Variants in MACF1 observed in about 807,000 individuals in gnomAD.
MACF1 encodes microtubule actin crosslinking factor 1.
A neutral mutation model predicts 854.8 loss-of-function variants in MACF1; 193 were observed. The observed-to-expected ratio is 0.23, with a 90% CI of 0.20 to 0.25. MACF1 has a LOEUF of 0.25. Ranked by LOEUF, MACF1 falls within the 10% of genes least tolerant of loss-of-function variation. The pLI is 1.00. For synonymous variants in MACF1, 3,185 were observed against 3,226.7 expected (o/e 0.99, Z 0.44); for missense variants, 7,722 against 8,929.1 (o/e 0.86, Z 5.45).
In MACF1 at chr1:39,297,699, A is replaced by G. The variant is rs1342820231; in HGVS notation, c.2435A>G (p.His812Arg). The G allele has an allele frequency of 2.5e-6, 4 of 1,614,182 alleles. No homozygotes were observed. The highest frequency in any genetic ancestry group is 1.7e-5 in the Admixed American group (1 of 60,018). ...ATTAAACGAAAATATTCCTGTGACC[A>G]CAACACCAGCTTATCCCGCCTTGAA... ...DSIKRKYSCD[H>R]NTSLSRLEDL... Residue 812 changes from histidine to arginine, a missense_variant, in exon 21 of 101, where the codon CAC (histidine) becomes CGC (arginine). Around this residue, in one of 15 missense-constraint regions of MACF1, gnomAD observed 1,137 missense variants for 1,263.0 expected, o/e 0.90. Coordinates refer to ENST00000564288, the MANE Select transcript of MACF1 (RefSeq NM_001394062.1).
chr1:39,402,518 T>C (rs1203161614), intron 58 of MACF1, among the ~76,000 whole-genome samples: 1 of 152,116 alleles, frequency 6.6e-6, no homozygotes, highest in African/African-American at 2.4e-5. Context: ...CTTGTGAAAT[T>C]AGTTGCCTCA....
intron 1 of MACF1, among the ~76,000 whole-genome samples, chr1:39,205,336 C>G (rs1399566984): frequency 6.6e-6 from 1 of 152,056 alleles, no homozygotes; most frequent in East Asian, 1.9e-4. Context: ...GGGTGGTGCT[C>G]TTTTCTGTTC....
intron 2 of MACF1, among the ~76,000 whole-genome samples, chr1:39,181,242 TG>T (rs920076097): frequency 6.6e-6 from 1 of 152,190 alleles, no homozygotes; most frequent in Admixed American, 6.5e-5. Flanking sequence ...TTACTTATTT[TG>T]GGGGGATCCT....
chr1:39,358,669 T>A lies in MACF1; in HGVS notation c.11944-28T>A, dbSNP rs772781216. ...TGCCTTTGGCCTGACCTTGCTTAAGTCTGCTTACCTTTCTTTCTCTGGCAC... is the reference window on the plus strand; with the variant it reads ...TGCCTTTGGCCTGACCTTGCTTAAGACTGCTTACCTTTCTTTCTCTGGCAC... On this transcript the variant is annotated intron_variant, in intron 45 of 100. Transcript: ENST00000564288. The A allele has an allele frequency of 3.1e-6, 5 of 1,609,716 alleles. No individual in the cohort carries two copies. The African/African-American group carries it at 6.7e-5, about 22-fold the overall frequency.
intron 2 of MACF1, among the ~76,000 whole-genome samples, chr1:39,128,292 G>C (rs529568094): frequency 6.6e-6 from 1 of 152,150 alleles, no homozygotes; most frequent in East Asian, 1.9e-4. Flanking sequence ...CACCATCATA[G>C]CACAGTGCAG....
At chr1:39,211,946 A>G (rs1024989827) in intron 1 of MACF1, among the ~76,000 whole-genome samples, 1 of 144,868 alleles carries the variant, frequency 6.9e-6, no homozygotes, top group Non-Finnish European at 1.5e-5. Context: ...TATTATGATC[A>G]CTGTTTTATA....
intron 87 of MACF1, 73 bp from the exon 88 acceptor site, chr1:39,453,634 C>A: frequency 7.7e-7 from 1 of 1,298,030 alleles, no homozygotes; most frequent in Non-Finnish European, 1.1e-6. Context: ...AAATTTATCC[C>A]CCCTCAGTGT....
At chr1:39,268,935 G>T (rs1645269621) in intron 6 of MACF1, 2 of 1,287,770 alleles carry the variant, frequency 1.6e-6, no homozygotes. Context: ...AGTGGGAGGG[G>T]TAGAGCATAC....
At chr1:39,246,434 C>G (rs1435309899) in intron 2 of MACF1, among the ~76,000 whole-genome samples, 1 of 152,120 alleles carries the variant, frequency 6.6e-6, no homozygotes, top group South Asian at 2.1e-4. Flanking sequence ...TTATGACCTG[C>G]CTATTTCTGT....
At chr1:39,388,972 A>C (rs1456026050) in intron 58 of MACF1, among the ~76,000 whole-genome samples, 1 of 141,908 alleles carries the variant, frequency 7.0e-6, no homozygotes, top group Non-Finnish European at 1.5e-5. Flanking sequence ...TCGACCTCAT[A>C]GGCTCAAGCG....
Position 39,309,664 on chromosome 1 carries a change from C to T in MACF1, c.2884C>T (p.Leu962Phe). The change falls in exon 24 of 101, where the codon CTT (leucine) becomes TTT (phenylalanine). Residue 962 changes from leucine (L) to phenylalanine (F), a missense_variant. Leu to Phe is a conservative substitution (Grantham distance 22). Transcript: ENST00000564288. ...CTCTTGGAACTATCTGCGTAAAGACCTTGACCTTGTACAGACCTGGAACCT... is the reference window on the plus strand; with the variant it reads ...CTCTTGGAACTATCTGCGTAAAGACTTTGACCTTGTACAGACCTGGAACCT... ...LISWNYLRKD[L>F]DLVQTWNLEK... is the part of the protein sequence containing the mutation. 1 of 1,614,118 alleles carries T rather than the reference C, an allele frequency of 6.2e-7. No individual in the cohort carries two copies.
At chr1:39,208,197 C>G (rs563531874) in intron 1 of MACF1, among the ~76,000 whole-genome samples, 1 of 148,186 alleles carries the variant, frequency 6.7e-6, no homozygotes, top group Non-Finnish European at 1.5e-5. Context: ...CTACTCCGTT[C>G]CTGTTTCACT....
At position 39,360,834 on chromosome 1, in the gene MACF1, G is replaced by T. The variant is rs1392859899; in HGVS notation, c.12286G>T (p.Ala4096Ser). Residue 4096 changes from alanine (A) to serine (S), a missense_variant, in exon 48 of 101, where the codon GCT becomes TCT. Around this residue, in one of 15 missense-constraint regions of MACF1, gnomAD observed 2,807 missense variants for 3,235.8 expected, o/e 0.87. Coordinates refer to ENST00000564288, the MANE Select transcript of MACF1 (RefSeq NM_001394062.1). ...CTTCCAAAGCCTCTCCTATAGCCTG[G>T]CTGAGCGATCTTCTCTGCTGCAGAA... ...SHFQSLSYSL[A>S]ERSSLLQKAI... The T allele has an allele frequency of 6.2e-7, 1 of 1,613,740 alleles. No individual in the cohort carries two copies. Among genetic ancestry groups the T allele is most frequent in the Admixed American group, 1.7e-5 (1 of 59,974 alleles).
At chr1:39,338,257 GTTGT>G (rs150390041) in intron 38 of MACF1, among the ~76,000 whole-genome samples, 88,723 of 138,596 alleles carry the variant, frequency 0.64, 28,068 homozygotes, top group South Asian at 0.79. Flanking sequence ...GGTTTTTTGG[GTTGT>G]TTTTTTTTTT....
At chr1:39,477,076 TATATATATATATATACAC>T (rs1383393525) in intron 97 of MACF1, among the ~76,000 whole-genome samples, 898 of 17,190 alleles carry the variant, frequency 0.052, 58 homozygotes, top group African/African-American at 0.15. Context: ...TATATATATA[TATATATATATATATACAC>T]ACACACACAT....
intron 18 of MACF1, 23 bp from the exon 19 acceptor site, chr1:39,295,023 G>A (rs376929132): frequency 1.3e-5 from 20 of 1,570,688 alleles, no homozygotes; most frequent in Non-Finnish European, 1.8e-6. Context: ...TGCTTATGCT[G>A]TAAAATTGAA....
In MACF1 at chr1:39,297,718, C is replaced by T; in HGVS notation, c.2454C>T (p.Arg818=). 1 of 1,614,152 alleles carries T rather than the reference C, an allele frequency of 6.2e-7. No individual in the cohort carries two copies. Among genetic ancestry groups the T allele is most frequent in the African/African-American group, 1.3e-5 (1 of 75,046 alleles). ...GTGACCACAACACCAGCTTATCCCG[C>T]CTTGAAGACCTGCTCCAGGACTCCA... ...YSCDHNTSLS[R]LEDLLQDSMD... The change falls in exon 21 of 101, where the codon CGC becomes CGT. Residue 818 remains arginine (R), a synonymous_variant. Transcript: ENST00000564288.
At position 39,452,262 on chromosome 1, in the gene MACF1, G is replaced by A; in HGVS notation, c.20525G>A (p.Gly6842Glu). ...NSRDDTTWVK[G>E]QLQELSTRWD... ...CGAGATGACACCACTTGGGTAAAAG[G>A]ACAGCTCCAGGAACTGAGCACTCGC... Residue 6842 changes from glycine (G) to glutamate (E), a missense_variant, in exon 86 of 101, where the codon GGA (glycine) becomes GAA (glutamate). Coordinates refer to ENST00000564288, the MANE Select transcript of MACF1 (RefSeq NM_001394062.1). 1 of 1,614,202 alleles carries A rather than the reference G, an allele frequency of 6.2e-7. No homozygotes were observed. The highest frequency in any genetic ancestry group is 8.5e-7 in the Non-Finnish European group (1 of 1,180,038).
At position 39,432,663 on chromosome 1, in the gene MACF1, C is replaced by T; in HGVS notation, c.17457+9C>T. On this transcript the variant is annotated intron_variant, in intron 67 of 100. Coordinates refer to ENST00000564288, the MANE Select transcript of MACF1 (RefSeq NM_001394062.1). ...AGCTTCAGGTACAGAAGGTACGTGC[C>T]CACTCTTTCCTGAGCTAATAGAATC... The T allele has an allele frequency of 1.2e-6, 2 of 1,612,506 alleles. No homozygotes were observed. The highest frequency in any genetic ancestry group is 2.2e-5 in the South Asian group (2 of 90,828).
Sources: allele counts gnomAD v4.1 joint callset (sites outside exome capture counted in the v4.1 genomes callset), GRCh38; gene constraint gnomAD v4.1.1; regional missense constraint gnomAD v4.1.1; transcripts MANE v1.5; gene names NCBI Gene and HGNC (gene_info 2026-07-23, HGNC 2026-07-21).